Variants in SCUBE1 observed in about 807,000 individuals in gnomAD.
SCUBE1 encodes the protein signal peptide, CUB domain and EGF like domain containing 1.
SCUBE1 carries 59 observed loss-of-function variants against 124.4 expected under a neutral mutation model. That is an observed-to-expected ratio of 0.47 (90% CI 0.38 to 0.59). The LOEUF (loss-of-function observed/expected upper bound fraction) is 0.59. SCUBE1 is among the 20% of genes least tolerant of loss of function. SCUBE1 has a pLI of 0.00. For synonymous variants in SCUBE1, 545 were observed against 550.9 expected (o/e 0.99, Z 0.15); for missense variants, 1,150 against 1,371.2 (o/e 0.84, Z 2.55).
intron 4 of SCUBE1, among the ~76,000 whole-genome samples, chr22:43,263,773 C>T (rs761811394): frequency 2.0e-5 from 3 of 152,362 alleles, no homozygotes; most frequent in African/African-American, 7.2e-5. Context: ...ACTGTAACTC[C>T]TGGTTTCACC....
Position 43,229,192 on chromosome 22 carries a change from C to T in SCUBE1, c.968-4G>A, listed in dbSNP as rs746479476. The T allele has an allele frequency of 2.9e-5, 44 of 1,494,890 alleles. No individual in the cohort carries two copies. Among genetic ancestry groups the T allele is most frequent in the Middle Eastern group, 1.8e-4 (1 of 5,544 alleles). The allele number at this position is 1,494,890 out of a possible 1,614,324, so 92.6% of individuals were successfully genotyped here. A position where few individuals can be genotyped will look rare whatever the true frequency, so the allele number is the denominator to read the frequency against. On this transcript the variant is annotated splice_region_variant and splice_polypyrimidine_tract_variant and intron_variant, in intron 8 of 21. Coordinates refer to ENST00000360835, the MANE Select transcript of SCUBE1 (RefSeq NM_173050.5). ...TCGAAGGAGCACTCGTCGATGTCTGCGTGGCCACAGGGAGACAAAGTTGGG... is the reference window on the plus strand; with the variant it reads ...TCGAAGGAGCACTCGTCGATGTCTGTGTGGCCACAGGGAGACAAAGTTGGG...
At chr22:43,214,385 C>T (rs1921717877) in intron 15 of SCUBE1, 134 bp from the exon 16 acceptor site, 2 of 759,390 alleles carry the variant, frequency 2.6e-6, no homozygotes, top group South Asian at 3.9e-5. Context: ...CAGAGGGGCC[C>T]CTGACCTATC....
intron 3 of SCUBE1, among the ~76,000 whole-genome samples, chr22:43,302,272 C>A (rs140234334): frequency 6.6e-6 from 1 of 152,328 alleles, no homozygotes; most frequent in East Asian, 1.9e-4. Flanking sequence ...GGGTGCAGCT[C>A]AGCGTCTCCT....
chr22:43,269,486 G>A (rs2146720381), intron 4 of SCUBE1, among the ~76,000 whole-genome samples: 1 of 152,310 alleles, frequency 6.6e-6, no homozygotes, highest in Middle Eastern at 3.4e-3. Context: ...AACAAAGCTG[G>A]AATGTGTGCC....
chr22:43,210,603 C>A lies in SCUBE1; in HGVS notation c.2383+319G>T, dbSNP rs1057403926. Among the ~76,000 whole-genome samples the A allele has an allele frequency of 2.6e-5, 4 of 152,202 alleles. No homozygotes were observed. Among genetic ancestry groups the A allele is most frequent in the Non-Finnish European group, 5.9e-5 (4 of 68,024 alleles). Reference sequence around the variant, plus strand: ...GAGGCCCTGTCAGTGCCCCTGTAGGCTGTCAGCCCCCCCAGCAGACCCAGA... The same window carrying A: ...GAGGCCCTGTCAGTGCCCCTGTAGGATGTCAGCCCCCCCAGCAGACCCAGA... On this transcript the variant is annotated intron_variant, in intron 18 of 21. Coordinates refer to ENST00000360835, the MANE Select transcript of SCUBE1 (RefSeq NM_173050.5). This position sits in a 1 kb window ranked among gnomAD's most constrained non-coding sequence, Gnocchi z 4.5.
intron 2 of SCUBE1, among the ~76,000 whole-genome samples, chr22:43,326,224 A>G (rs995069093): frequency 1.4e-4 from 21 of 152,196 alleles, no homozygotes; most frequent in Non-Finnish European, 1.0e-4. Flanking sequence ...TTCCTCAAGA[A>G]CAGTGGAGAC....
intron 6 of SCUBE1, among the ~76,000 whole-genome samples, chr22:43,246,944 C>G (rs1274296374): frequency 2.0e-5 from 3 of 152,048 alleles, no homozygotes; most frequent in African/African-American, 7.2e-5. Context: ...CTCTCCAGAG[C>G]TTCAGCCTGG....
At chr22:43,248,178 G>A (rs1241015092) in intron 6 of SCUBE1, among the ~76,000 whole-genome samples, 1 of 152,202 alleles carries the variant, frequency 6.6e-6, no homozygotes, top group African/African-American at 2.4e-5. Context: ...AACATTAGAT[G>A]AGAGTTGAGG....
Position 43,339,228 on chromosome 22 carries a change from G to A in SCUBE1, c.96C>T (p.Val32=), listed in dbSNP as rs143441439. 2.0e-4 allele frequency: 328 copies of A among 1,613,466 alleles called. 2 individuals are homozygous for A. In the African/African-American group the frequency reaches 3.8e-3, roughly 19 times the overall value. Residue 32 remains valine (V), a synonymous_variant, in exon 2 of 22, where the codon GTC becomes GTT. Coordinates refer to ENST00000360835, the MANE Select transcript of SCUBE1 (RefSeq NM_173050.5). ...TGCCCTCTGAGCACTCATCCACGTC[G>A]ACTGACCCTGTGGGTAGGGGTGTGG... ...LAGGSGLPGS[V]DVDECSEGTD...
intron 3 of SCUBE1, among the ~76,000 whole-genome samples, chr22:43,314,157 G>T (rs1474484614): frequency 6.6e-6 from 1 of 152,216 alleles, no homozygotes; most frequent in Non-Finnish European, 1.5e-5. Flanking sequence ...CAACAACTCA[G>T]TGGGCCACTC....
At chr22:43,205,533 G>A (rs550680628) in intron 21 of SCUBE1, among the ~76,000 whole-genome samples, 2 of 151,818 alleles carry the variant, frequency 1.3e-5, no homozygotes, top group East Asian at 1.9e-4. Context: ...TGTCTGGGGT[G>A]GACCTGTCCT....
At chr22:43,230,558 T>C (rs776118141) in intron 8 of SCUBE1, among the ~76,000 whole-genome samples, 7 of 152,104 alleles carry the variant, frequency 4.6e-5, no homozygotes, top group Non-Finnish European at 7.4e-5. Context: ...GGTCAAGGGC[T>C]CTCCTCAGCC....
intron 2 of SCUBE1, among the ~76,000 whole-genome samples, chr22:43,335,848 T>C (rs1370498769): frequency 6.6e-6 from 1 of 151,620 alleles, no homozygotes; most frequent in Non-Finnish European, 1.5e-5. Context: ...ATGATAATGA[T>C]GATGGTGGTG....
chr22:43,287,168 G>A (rs140346805), intron 4 of SCUBE1, among the ~76,000 whole-genome samples: 37 of 152,322 alleles, frequency 2.4e-4, no homozygotes, highest in African/African-American at 8.9e-4. Context: ...CGGAAGTGCT[G>A]AGTGGAGGGA....
intron 15 of SCUBE1, among the ~76,000 whole-genome samples, chr22:43,215,208 A>C: frequency 6.6e-6 from 1 of 152,172 alleles, no homozygotes; most frequent in East Asian, 1.9e-4. Context: ...GGCTCGCAGC[A>C]TGTGTGTGGC....
At chr22:43,313,778 C>A (rs2146777514) in intron 3 of SCUBE1, among the ~76,000 whole-genome samples, 1 of 152,318 alleles carries the variant, frequency 6.6e-6, no homozygotes, top group African/African-American at 2.4e-5. Context: ...CAGGCCATCT[C>A]CACAGGAAAA....
chr22:43,221,364 A>G, intron 12 of SCUBE1, 75 bp from the exon 13 acceptor site: 2 of 616,472 alleles, frequency 3.2e-6, no homozygotes, highest in South Asian at 1.8e-5. Context: ...GGGGGCTGCC[A>G]GGGGACAAAT....
At chr22:43,251,896 C>T (rs1601830013) in intron 6 of SCUBE1, among the ~76,000 whole-genome samples, 2 of 152,222 alleles carry the variant, frequency 1.3e-5, no homozygotes. Flanking sequence ...AGCTGACCAG[C>T]GTGGCGCGTA....
At chr22:43,329,445 C>G (rs968648708) in intron 2 of SCUBE1, among the ~76,000 whole-genome samples, 7 of 152,248 alleles carry the variant, frequency 4.6e-5, no homozygotes, top group African/African-American at 1.7e-4. Flanking sequence ...ATGCAAAGGC[C>G]GGAGAGGCCC....
Sources: allele counts gnomAD v4.1 joint callset (sites outside exome capture counted in the v4.1 genomes callset), GRCh38; gene constraint gnomAD v4.1.1; non-coding constraint Gnocchi (gnomAD v3.1); transcripts MANE v1.5; gene names NCBI Gene and HGNC (gene_info 2026-07-23, HGNC 2026-07-21).